CLCN5: variants seen among roughly 807,000 people sequenced by gnomAD.
CLCN5 encodes the protein Cl-/H+ antiporter 5, also known as H(+)/Cl(-) exchange transporter 5.
Under a neutral mutation model 54.0 loss-of-function variants are expected in CLCN5, and 17 were observed. That is an observed-to-expected ratio of 0.31 (90% CI 0.22 to 0.47). The LOEUF (loss-of-function observed/expected upper bound fraction) is 0.47, where lower values mean the gene tolerates loss of function less well. CLCN5 is among the 20% of genes least tolerant of loss of function. CLCN5 has a pLI of 1.00. For synonymous variants in CLCN5, 222 were observed against 233.0 expected, an observed-to-expected ratio of 0.95 and a Z score of 0.43; for missense variants, 448 against 646.7, an observed-to-expected ratio of 0.69 and a Z score of 3.33.
Position 50,081,742 on chromosome X carries a change from G to C in CLCN5, c.828G>C (p.Leu276Phe). Residue 276 changes from leucine (L) to phenylalanine (F), a missense_variant, in exon 9 of 15, where the codon TTG becomes TTC. Leu to Phe is a conservative substitution (Grantham distance 22). This residue lies in a region of CLCN5 where 297 missense variants were observed against 470.4 expected (regional missense o/e 0.63). Coordinates refer to ENST00000376091, the MANE Select transcript of CLCN5 (RefSeq NM_001127898.4). Reference sequence around the variant, plus strand: ...TGGTGCTGGCAGTGTCATCTGGCTTGAGCCTGGGCAAAGAGGGCCCTCTAG... The same window carrying C: ...TGGTGCTGGCAGTGTCATCTGGCTTCAGCCTGGGCAAAGAGGGCCCTCTAG... ...ITLVLAVSSG[L>F]SLGKEGPLVH... is the part of the protein sequence containing the mutation. The C allele has an allele frequency of 8.3e-7, 1 of 1,211,336 alleles. No homozygotes were observed. The highest frequency in any genetic ancestry group is 1.8e-5 in the South Asian group (1 of 56,953).
intron 3 of CLCN5, chrX:50,009,622 A>G: frequency 2.8e-6 from 1 of 357,342 alleles, no homozygotes. Context: ...CATCTGTCTT[A>G]GCAAATGCAC....
chrX:49,982,011 C>T (rs183842746), intron 3 of CLCN5, among the ~76,000 whole-genome samples: 2 of 110,879 alleles, frequency 1.8e-5, no homozygotes, highest in Admixed American at 1.9e-4. Flanking sequence ...CCATTATCAA[C>T]CCTGCTCATT....
chrX:50,063,877 T>A (rs1485082947), intron 4 of CLCN5, among the ~76,000 whole-genome samples: 1 of 111,023 alleles, frequency 9.0e-6, no homozygotes, highest in African/African-American at 3.3e-5. Context: ...ATAAATGTAA[T>A]CCAGCATATA....
chrX:49,931,072 C>T (rs73487895), intron 3 of CLCN5, among the ~76,000 whole-genome samples: 1,610 of 111,326 alleles, frequency 0.014, 30 homozygotes, highest in African/African-American at 0.049. Flanking sequence ...CCAATTAAAT[C>T]TGAATCTCTG....
intron 3 of CLCN5, among the ~76,000 whole-genome samples, chrX:50,041,101 G>T (rs943603870): frequency 6.3e-5 from 7 of 111,837 alleles, no homozygotes; most frequent in African/African-American, 2.3e-4. Context: ...GGTAAATGTT[G>T]GTTCTTTCTC....
At chrX:50,078,042 A>T (rs80103605) in intron 7 of CLCN5, among the ~76,000 whole-genome samples, 3 of 103,678 alleles carry the variant, frequency 2.9e-5, no homozygotes, top group African/African-American at 7.1e-5. Context: ...AAAAAAAAAA[A>T]TCCTCTCCTC....
intron 3 of CLCN5, among the ~76,000 whole-genome samples, chrX:49,941,604 C>A (rs918630444): frequency 9.0e-6 from 1 of 110,825 alleles, no homozygotes; most frequent in Non-Finnish European, 1.9e-5. Flanking sequence ...CTTCTGTGAT[C>A]ACCAGCAAAG....
chrX:49,927,100 G>A (rs1254166461), intron 3 of CLCN5, among the ~76,000 whole-genome samples: 4 of 111,253 alleles, frequency 3.6e-5, no homozygotes, highest in African/African-American at 1.3e-4. Flanking sequence ...GTACTGTCAG[G>A]TCAATGTTTC....
At chrX:50,071,447 A>C (rs1933220070) in intron 5 of CLCN5, among the ~76,000 whole-genome samples, 1 of 112,181 alleles carries the variant, frequency 8.9e-6, no homozygotes. Flanking sequence ...CATATTCAAC[A>C]TGTTATCCAG....
intron 11 of CLCN5, among the ~76,000 whole-genome samples, chrX:50,088,216 G>A (rs1423270040): frequency 8.9e-6 from 1 of 111,790 alleles, no homozygotes; most frequent in Non-Finnish European, 1.9e-5. Context: ...CTGAACCTTA[G>A]GTTCTTTGGC....
intron 3 of CLCN5, among the ~76,000 whole-genome samples, chrX:49,981,956 C>T (rs782676645): frequency 3.8e-4 from 42 of 110,364 alleles, no homozygotes; most frequent in Non-Finnish European, 6.6e-4. Flanking sequence ...GATCTGGGGG[C>T]GATTATCCTG....
intron 9 of CLCN5, among the ~76,000 whole-genome samples, chrX:50,084,888 C>T (rs1028741573): frequency 2.7e-5 from 3 of 111,481 alleles, no homozygotes; most frequent in Non-Finnish European, 3.8e-5. Flanking sequence ...CTAGCTACCC[C>T]GATTCTTTCT....
At chrX:49,935,723 A>G in intron 3 of CLCN5, among the ~76,000 whole-genome samples, 1 of 111,382 alleles carries the variant, frequency 9.0e-6, no homozygotes. Context: ...GACAAGGTGG[A>G]AATCCCTGAG....
Position 50,086,775 on chromosome X carries a change from A to G in CLCN5, c.1462A>G (p.Arg488Gly), listed in dbSNP as rs1388863869. 8.3e-7 allele frequency: 1 copy of G among 1,209,050 alleles called. No individual in the cohort carries two copies. The highest frequency in any genetic ancestry group is 1.1e-6 in the Non-Finnish European group (1 of 894,973). ...AAGCAAAGGGGGTGAACTGCCTGAC[A>G]GACCGGCTGGCGTGGGAGTCTACAG... Reference protein sequence around the residue: ...NTSKGGELPDRPAGVGVYSAM... With the variant: ...NTSKGGELPDGPAGVGVYSAM... Residue 488 changes from arginine to glycine, a missense_variant, in exon 11 of 15, where the codon AGA (arginine) becomes GGA (glycine). By Grantham distance (125) the Arg-to-Gly change is moderately radical. Transcript: ENST00000376091.
chrX:50,015,837 A>T (rs1252214478), intron 3 of CLCN5, among the ~76,000 whole-genome samples: 2 of 111,416 alleles, frequency 1.8e-5, no homozygotes, highest in African/African-American at 6.5e-5. Context: ...AATAGTGGTG[A>T]CAGAGACAGA....
intron 3 of CLCN5, among the ~76,000 whole-genome samples, chrX:49,940,825 G>A (rs1926286679): frequency 9.0e-6 from 1 of 110,741 alleles, no homozygotes; most frequent in Non-Finnish European, 1.9e-5. Flanking sequence ...GATTGATTGG[G>A]GGTGGCAGTG....
rs782567871 is a variant in CLCN5 at position 50,021,148 on chromosome X, C to A, written c.17-21168C>A. The stretch of plus-strand genomic sequence containing the variant: ...CTTCCATTTGTTTGTATCCTCTTTT[C>A]TTTCCTTGAGCAGTGGTTTGTAGTT... On this transcript the variant is annotated intron_variant, in intron 3 of 14. Coordinates refer to ENST00000376091, the MANE Select transcript of CLCN5 (RefSeq NM_001127898.4). Among the ~76,000 whole-genome samples, 840 of 88,587 alleles carry A rather than the reference C, an allele frequency of 9.5e-3. 22 individuals are homozygous for A. The highest frequency in any genetic ancestry group is 0.057 in the African/African-American group (779 of 13,724). 76.9% of individuals were successfully genotyped at this position (88,587 alleles called of 115,157 possible).
chrX:50,007,379 GTCTCTCTCTCTCTCTCTTTCTC>G (rs1930208681), intron 3 of CLCN5, among the ~76,000 whole-genome samples: 1 of 43,276 alleles, frequency 2.3e-5, no homozygotes, highest in African/African-American at 7.4e-5. Flanking sequence ...CTCATTTTCT[GTCTCTCTCTCTCTCTCTTTCTC>G]TCTCTCTCTC....
At chrX:50,076,653 G>A (rs984222152) in intron 7 of CLCN5, among the ~76,000 whole-genome samples, 1 of 110,967 alleles carries the variant, frequency 9.0e-6, no homozygotes, top group Non-Finnish European at 1.9e-5. Flanking sequence ...TCCTCCTCAG[G>A]AGTAGCTGGG....
Sources: allele counts gnomAD v4.1 joint callset (sites outside exome capture counted in the v4.1 genomes callset), GRCh38; gene constraint gnomAD v4.1.1; regional missense constraint gnomAD v4.1.1; transcripts MANE v1.5; gene names NCBI Gene and HGNC (gene_info 2026-07-23, HGNC 2026-07-21).